Variants in ANKRD12 observed in about 807,000 individuals in gnomAD.
The protein encoded by ANKRD12 is ankyrin repeat domain-containing protein 12.
Under a neutral mutation model 183.4 loss-of-function variants are expected in ANKRD12, and 85 were observed. The ratio of observed to expected loss-of-function variants is 0.46; its 90% CI spans 0.39 to 0.56. ANKRD12 has a LOEUF of 0.56. ANKRD12 is among the 20% of genes least tolerant of loss of function. ANKRD12 has a pLI of 0.00. For synonymous variants in ANKRD12, 914 were observed against 800.2 expected (o/e 1.14, Z -2.40); for missense variants, 2,405 against 2,357.1 (o/e 1.02, Z -0.42).
intron 3 of ANKRD12, among the ~76,000 whole-genome samples, chr18:9,201,827 CT>C (rs200051164): frequency 0.23 from 32,468 of 141,536 alleles, 4,316 homozygotes; most frequent in Middle Eastern, 0.37. Context: ...GTTTTTTTCG[CT>C]TTTTTTTTTT....
intron 6 of ANKRD12, among the ~76,000 whole-genome samples, chr18:9,215,302 AC>A (rs2036032632): frequency 6.6e-6 from 1 of 152,108 alleles, no homozygotes; most frequent in Admixed American, 6.6e-5. Flanking sequence ...TATGATCAGG[AC>A]TGCCCCCTGA....
chr18:9,281,151 G>T lies in ANKRD12; in HGVS notation c.*25G>T, dbSNP rs887794367. Reference sequence around the variant, plus strand: ...GCAGTCAGTACTTCCTGATGGTATTGTCCTAAACTGGTGATGCTCAAGCAT... The same window carrying T: ...GCAGTCAGTACTTCCTGATGGTATTTTCCTAAACTGGTGATGCTCAAGCAT... On this transcript the variant is annotated 3_prime_UTR_variant, in exon 13 of 13. Coordinates refer to ENST00000262126, the MANE Select transcript of ANKRD12 (RefSeq NM_015208.5). 1 of 1,584,072 alleles carries T rather than the reference G, an allele frequency of 6.3e-7. No individual in the cohort carries two copies. Among genetic ancestry groups the T allele is most frequent in the Non-Finnish European group, 8.6e-7 (1 of 1,161,516 alleles).
intron 8 of ANKRD12, among the ~76,000 whole-genome samples, chr18:9,241,672 A>G (rs1027150628): frequency 1.3e-5 from 2 of 152,146 alleles, no homozygotes; most frequent in African/African-American, 2.4e-5. Context: ...TCTTTAATGA[A>G]CACTTCAAGT....
intron 8 of ANKRD12, among the ~76,000 whole-genome samples, chr18:9,253,094 A>T (rs891172244): frequency 2.6e-5 from 4 of 152,276 alleles, no homozygotes; most frequent in African/African-American, 9.6e-5. Flanking sequence ...TGGATACATA[A>T]TAGTTGTACA....
chr18:9,199,032 C>T lies in ANKRD12; in HGVS notation c.235+3334C>T, dbSNP rs374919392. On this transcript the variant is annotated intron_variant, in intron 3 of 12. Transcript: ENST00000262126. ...GTAAGGCTGGGCATGGTGGCTCACA[C>T]CTGAAATCCCAGCACTTTGGAAGGC... Among the ~76,000 whole-genome samples the T allele has an allele frequency of 6.6e-5, 10 of 152,204 alleles. No individual in the cohort carries two copies. In the East Asian group the frequency reaches 1.3e-3, roughly 21 times the overall value.
intron 1 of ANKRD12, among the ~76,000 whole-genome samples, chr18:9,168,682 A>G (rs1196532518): frequency 1.3e-5 from 2 of 152,120 alleles, no homozygotes; most frequent in African/African-American, 2.4e-5. Context: ...TCCTGGATTC[A>G]TTAATTTTTT....
At chr18:9,275,987 A>G (rs949077449) in intron 11 of ANKRD12, among the ~76,000 whole-genome samples, 2 of 152,220 alleles carry the variant, frequency 1.3e-5, no homozygotes, top group East Asian at 3.8e-4. Context: ...GCAGCTAGAA[A>G]GCTATTGTAC....
chr18:9,267,799 C>CA (rs1460193553), intron 10 of ANKRD12, among the ~76,000 whole-genome samples: 1 of 151,940 alleles, frequency 6.6e-6, no homozygotes, highest in African/African-American at 2.4e-5. Context: ...AATAGAGACA[C>CA]AAAAAACCCT....
intron 10 of ANKRD12, among the ~76,000 whole-genome samples, chr18:9,267,104 C>G (rs2039336477): frequency 6.6e-6 from 1 of 152,000 alleles, no homozygotes; most frequent in South Asian, 2.1e-4. Flanking sequence ...CAGGAGCACC[C>G]AGATTCATAA....
At chr18:9,210,845 A>G (rs1210557596) in intron 5 of ANKRD12, among the ~76,000 whole-genome samples, 1 of 151,142 alleles carries the variant, frequency 6.6e-6, no homozygotes, top group African/African-American at 2.4e-5. Context: ...TATTTTCCAT[A>G]TATTTCTTTT....
At chr18:9,205,355 A>G (rs781046826) in intron 4 of ANKRD12, among the ~76,000 whole-genome samples, 7 of 151,854 alleles carry the variant, frequency 4.6e-5, no homozygotes, top group Non-Finnish European at 7.4e-5. Context: ...CTAAGTGTCT[A>G]GTTTTCAGCA....
chr18:9,207,639 C>T (rs563091307), intron 4 of ANKRD12, among the ~76,000 whole-genome samples: 8 of 152,092 alleles, frequency 5.3e-5, no homozygotes, highest in African/African-American at 1.9e-4. Flanking sequence ...AAAAAAGACA[C>T]TATTTTGACT....
At position 9,282,128 on chromosome 18, in the gene ANKRD12, T is replaced by C. The variant is rs2040123356; in HGVS notation, c.*1002T>C. On this transcript the variant is annotated 3_prime_UTR_variant, in exon 13 of 13. Coordinates refer to ENST00000262126, the MANE Select transcript of ANKRD12 (RefSeq NM_015208.5). ...GAAATTGTAAATGTCTATTTTAATATTCACCTATGAAAGAATCTGTGAATA... is the reference window on the plus strand; with the variant it reads ...GAAATTGTAAATGTCTATTTTAATACTCACCTATGAAAGAATCTGTGAATA... 1 of 152,628 alleles carries C rather than the reference T, an allele frequency of 6.6e-6. No individual in the cohort carries two copies. The highest frequency in any genetic ancestry group is 2.1e-4 in the South Asian group (1 of 4,828). The allele number at this position is 152,628 out of a possible 1,614,324, so 9.5% of individuals were successfully genotyped here.
intron 9 of ANKRD12, among the ~76,000 whole-genome samples, chr18:9,261,681 A>G (rs1029749611): frequency 1.3e-5 from 2 of 152,136 alleles, no homozygotes; most frequent in South Asian, 2.1e-4. Flanking sequence ...TTTTGCACCA[A>G]CCTAGAGTTG....
rs772681895 is a variant in ANKRD12 at position 9,257,696 on chromosome 18, T to A, written c.4429T>A (p.Ser1477Thr). 14 of 1,613,944 alleles carry A rather than the reference T, an allele frequency of 8.7e-6. No homozygotes were observed. Among genetic ancestry groups the A allele is most frequent in the Non-Finnish European group, 1.2e-5 (14 of 1,179,990 alleles). ...GCGCCAGACTGAACTGCCAGGAAAC[T>A]CTTGTGCTCAGGATCCGGCATCCTT... is the stretch of plus-strand genomic sequence containing the variant. ...SLRQTELPGN[S>T]CAQDPASFMP... The change falls in exon 9 of 13, where the codon TCT (serine) becomes ACT (threonine). Residue 1477 changes from serine (S) to threonine (T), a missense_variant. By Grantham distance (58) the Ser-to-Thr change is moderately conservative. Around this residue, in one of 7 missense-constraint regions of ANKRD12, gnomAD observed 1,983 missense variants for 1,725.9 expected, o/e 1.15. Transcript: ENST00000262126.
In ANKRD12 at chr18:9,157,438, G is replaced by T. The variant is rs770890266; in HGVS notation, c.-52+20473G>T. ...TCAAAGTACTGTTTCTAGTGAGTAC[G>T]TATGACTTTTGCACCATTTATAAAG... On this transcript the variant is annotated intron_variant, in intron 1 of 12. Transcript: ENST00000262126. Among the ~76,000 whole-genome samples, 11 of 151,742 alleles carry T rather than the reference G, an allele frequency of 7.2e-5. 1 individual carries two copies. The highest frequency in any genetic ancestry group is 4.6e-4 in the Admixed American group (7 of 15,214).
chr18:9,257,984 T>C lies in ANKRD12; in HGVS notation c.4717T>C (p.Ser1573Pro), dbSNP rs1387038519. Residue 1573 changes from serine to proline, a missense_variant, in exon 9 of 13, where the codon TCA becomes CCA. Ser to Pro is a moderately conservative substitution (Grantham distance 74, BLOSUM62 -1). Around this residue, in one of 7 missense-constraint regions of ANKRD12, gnomAD observed 1,983 missense variants for 1,725.9 expected, o/e 1.15. Coordinates refer to ENST00000262126, the MANE Select transcript of ANKRD12 (RefSeq NM_015208.5). ...CTCTGACAGCACTATTCAAGAAGCATCACCAAACTTTGAGAAAGCTTATAC... is the reference window on the plus strand; with the variant it reads ...CTCTGACAGCACTATTCAAGAAGCACCACCAAACTTTGAGAAAGCTTATAC... ...VYSDSTIQEA[S>P]PNFEKAYTLP... 1 of 1,613,774 alleles carries C rather than the reference T, an allele frequency of 6.2e-7. No individual in the cohort carries two copies. The highest frequency in any genetic ancestry group is 1.1e-5 in the South Asian group (1 of 91,046).
At position 9,211,566 on chromosome 18, in the gene ANKRD12, C is replaced by CT. The variant is rs766157386; in HGVS notation, c.452-15dup. 2.5e-6 allele frequency: 4 copies of CT among 1,609,368 alleles called. 1 individual carries two copies. The highest frequency in any genetic ancestry group is 3.4e-6 in the Non-Finnish European group (4 of 1,176,716). The stretch of plus-strand genomic sequence containing the variant: ...ATATTTAGCCTAGAACTTCTGCTAA[C>CT]TTTCTTCTTTCTTACAGATTCCACA... On this transcript the variant is annotated splice_polypyrimidine_tract_variant and intron_variant, in intron 5 of 12. Coordinates refer to ENST00000262126, the MANE Select transcript of ANKRD12 (RefSeq NM_015208.5).
At chr18:9,224,071 G>A (rs2036573911) in intron 8 of ANKRD12, among the ~76,000 whole-genome samples, 1 of 152,160 alleles carries the variant, frequency 6.6e-6, no homozygotes. Flanking sequence ...ATAGCAGAAT[G>A]AAACCAGGAG....
Sources: gnomAD v4.1 joint callset for allele counts (sites outside exome capture counted in the v4.1 genomes callset) on GRCh38, gnomAD v4.1.1 for gene constraint, gnomAD v4.1.1 regional missense constraint, MANE v1.5 for transcripts, NCBI Gene and HGNC (gene_info 2026-07-23, HGNC 2026-07-21) for gene names.